TRIP4: variants seen among roughly 807,000 people sequenced by gnomAD.
TRIP4 encodes the protein thyroid hormone receptor interactor 4.
Under a neutral mutation model 81.8 loss-of-function variants are expected in TRIP4, and 54 were observed. The observed-to-expected ratio is 0.66, with a 90% confidence interval of 0.53 to 0.83. The LOEUF (loss-of-function observed/expected upper bound fraction) is 0.83, where lower values mean the gene tolerates loss of function less well. Among genes scored for constraint, TRIP4 ranks in the 40% least tolerant of loss-of-function variants. The pLI, the probability that TRIP4 is intolerant of heterozygous loss-of-function variation, is 0.00. For missense variants in TRIP4, 662 were observed against 683.6 expected (o/e 0.97, Z 0.35); for synonymous variants, 270 against 242.8 (o/e 1.11, Z -1.04).
intron 9 of TRIP4, among the ~76,000 whole-genome samples, chr15:64,420,990 A>AC (rs2140298830): frequency 6.6e-6 from 1 of 152,130 alleles, no homozygotes; most frequent in African/African-American, 2.4e-5. Context: ...CAGCAATGGA[A>AC]CACATGTACA....
rs1353949686 is a variant in TRIP4 at position 64,437,143 on chromosome 15, G to A, written c.1576-7863G>A. On this transcript the variant is annotated intron_variant, in intron 11 of 12. Transcript: ENST00000261884. ...GGTAGATATATGAAAAATCTTGGCCGGGTGTGGTGGCTCACACCTGTAATC... is the reference window on the plus strand; with the variant it reads ...GGTAGATATATGAAAAATCTTGGCCAGGTGTGGTGGCTCACACCTGTAATC... Among the ~76,000 whole-genome samples the A allele has an allele frequency of 3.3e-5, 5 of 151,858 alleles. No individual in the cohort carries two copies. In the East Asian group the frequency reaches 7.8e-4, roughly 24 times the overall value.
chr15:64,410,658 A>C (rs1891740974), intron 7 of TRIP4, among the ~76,000 whole-genome samples: 1 of 152,202 alleles, frequency 6.6e-6, no homozygotes, highest in Admixed American at 6.5e-5. Flanking sequence ...TTATAGGAGA[A>C]TATAATTATA....
intron 11 of TRIP4, among the ~76,000 whole-genome samples, chr15:64,444,205 G>C (rs1195735913): frequency 1.3e-5 from 2 of 152,172 alleles, no homozygotes; most frequent in Non-Finnish European, 2.9e-5. Flanking sequence ...AGAAGCCTAT[G>C]AGTCATATTT....
chr15:64,454,950 T>C (rs760538476), intron 12 of TRIP4, 47 bp from the exon 13 acceptor site: 3 of 1,571,056 alleles, frequency 1.9e-6, no homozygotes, highest in Non-Finnish European at 2.6e-6. Flanking sequence ...AAGATTTGCA[T>C]TGCAAATACA....
Position 64,455,208 on chromosome 15 carries a change from C to A in TRIP4, c.*144C>A. On this transcript the variant is annotated 3_prime_UTR_variant, in exon 13 of 13. Coordinates refer to ENST00000261884, the MANE Select transcript of TRIP4 (RefSeq NM_016213.5). ...TCAGAACTTAAACTCTTACCAAAAT[C>A]TGTATATTTTTCTTAAGGAGTGGGA... 1 of 600,236 alleles carries A rather than the reference C, an allele frequency of 1.7e-6. No homozygotes were observed. Among genetic ancestry groups the A allele is most frequent in the Non-Finnish European group, 2.7e-6 (1 of 364,254 alleles). The allele number at this position is 600,236 out of a possible 1,614,324, so 37.2% of individuals were successfully genotyped here. A position where few individuals can be genotyped will look rare whatever the true frequency, so the allele number is the denominator to read the frequency against.
rs372733786 is a variant in TRIP4, at chr15:64,418,597, T to C, written c.1227T>C (p.Phe409=). 5.0e-6 allele frequency: 8 copies of C among 1,613,518 alleles called. No homozygotes were observed. Among genetic ancestry groups the C allele is most frequent in the Non-Finnish European group, 6.8e-6 (8 of 1,180,014 alleles). Residue 409 remains phenylalanine, a synonymous_variant, in exon 9 of 13, where the codon TTT becomes TTC. Coordinates refer to ENST00000261884, the MANE Select transcript of TRIP4 (RefSeq NM_016213.5). ...AGAAGGCTTTCCGTTCTTCAGGATT[T>C]GGACTAGAGTTCAACTCATTTCAGC... ...SQKKAFRSSG[F]GLEFNSFQHQ...
chr15:64,399,217 G>C (rs370219361), intron 4 of TRIP4, among the ~76,000 whole-genome samples: 1 of 151,894 alleles, frequency 6.6e-6, no homozygotes, highest in African/African-American at 2.4e-5. Flanking sequence ...CTCCCAAAGT[G>C]CTGGGATTAC....
intron 8 of TRIP4, 132 bp downstream of exon 8, chr15:64,414,343 A>C (rs1891840383): frequency 4.9e-5 from 59 of 1,201,150 alleles, no homozygotes; most frequent in Non-Finnish European, 6.2e-5. Flanking sequence ...CAGCTCTCTC[A>C]ACACACCTGC....
At chr15:64,445,204 G>T in intron 12 of TRIP4, 96 bp downstream of exon 12, 1 of 616,428 alleles carries the variant, frequency 1.6e-6, no homozygotes, top group South Asian at 2.2e-5. Flanking sequence ...AACTGACTGT[G>T]AACAATCAGT....
rs1248997841 is a variant in TRIP4 at position 64,397,952 on chromosome 15, G to C, written c.618+134G>C. The C allele has an allele frequency of 2.4e-5, 23 of 961,584 alleles. No homozygotes were observed. In the Admixed American group the frequency reaches 6.3e-4, roughly 26 times the overall value. 59.6% of individuals were successfully genotyped at this position (961,584 alleles called of 1,614,324 possible). The stretch of plus-strand genomic sequence containing the variant: ...GTCTCACTTTGTCGCCCAGGCTGGA[G>C]TGCAGTGGCACGATCTCGGCTCGCT... On this transcript the variant is annotated intron_variant, in intron 4 of 12. Coordinates refer to ENST00000261884, the MANE Select transcript of TRIP4 (RefSeq NM_016213.5).
At chr15:64,442,453 C>T (rs556310909) in intron 11 of TRIP4, among the ~76,000 whole-genome samples, 2 of 151,712 alleles carry the variant, frequency 1.3e-5, no homozygotes, top group Non-Finnish European at 2.9e-5. Flanking sequence ...ATTTTTTTAA[C>T]GTTTTATTTT....
In TRIP4 at chr15:64,425,542, G is replaced by A; in HGVS notation, c.1486G>A (p.Val496Met). 1 of 1,607,762 alleles carries A rather than the reference G, an allele frequency of 6.2e-7. No homozygotes were observed. Among genetic ancestry groups the A allele is most frequent in the Non-Finnish European group, 8.5e-7 (1 of 1,178,140 alleles). The part of the protein sequence containing the change: ...ATYRLLRGKD[V>M]EFPNDYPSGC... ...TATTTTTGTTATTCCTGATTCAGAT[G>A]TGGAATTTCCTAATGACTATCCGTC... The change falls in exon 11 of 13, where the codon GTG becomes ATG. Residue 496 changes from valine (V) to methionine (M), a missense_variant and splice_region_variant. Val to Met is a conservative substitution (Grantham distance 21). Coordinates refer to ENST00000261884, the MANE Select transcript of TRIP4 (RefSeq NM_016213.5).
intron 1 of TRIP4, among the ~76,000 whole-genome samples, chr15:64,390,143 T>C (rs1375389375): frequency 6.7e-6 from 1 of 148,276 alleles, no homozygotes; most frequent in Non-Finnish European, 1.5e-5. Context: ...ATATGTGTAT[T>C]ATATTAAATA....
chr15:64,387,893 G>A lies in TRIP4; in HGVS notation c.30G>A (p.Glu10=), dbSNP rs1319124335. MAVAGAVSG[E]PLVHWCTQQL... ...CGGTGGCTGGGGCGGTGTCCGGGGA[G>A]CCGCTGGTGCACTGGTGCACCCAGC... The change falls in exon 1 of 13, where the codon GAG becomes GAA. Residue 10 remains glutamate, a synonymous_variant. Coordinates refer to ENST00000261884, the MANE Select transcript of TRIP4 (RefSeq NM_016213.5). 1 of 1,549,396 alleles carries A rather than the reference G, an allele frequency of 6.5e-7. No individual in the cohort carries two copies. The highest frequency in any genetic ancestry group is 1.4e-5 in the African/African-American group (1 of 73,154).
At chr15:64,395,097 C>T (rs1045538548) in intron 2 of TRIP4, among the ~76,000 whole-genome samples, 21 of 141,484 alleles carry the variant, frequency 1.5e-4, no homozygotes, top group Non-Finnish European at 2.7e-4. Context: ...CCACCTGTCT[C>T]GGCCTCTCAA....
At chr15:64,453,234 A>G (rs1892811802) in intron 12 of TRIP4, among the ~76,000 whole-genome samples, 1 of 152,204 alleles carries the variant, frequency 6.6e-6, no homozygotes, top group Non-Finnish European at 1.5e-5. Context: ...CTGGAGTCCT[A>G]GATGGAATTC....
At chr15:64,429,239 C>A (rs994310770) in intron 11 of TRIP4, among the ~76,000 whole-genome samples, 1 of 151,990 alleles carries the variant, frequency 6.6e-6, no homozygotes, top group Admixed American at 6.6e-5. Flanking sequence ...ATTGCTTGAA[C>A]CTGGGAGGCA....
chr15:64,391,754 G>A (rs994319139), intron 1 of TRIP4, among the ~76,000 whole-genome samples: 1 of 151,646 alleles, frequency 6.6e-6, no homozygotes, highest in Non-Finnish European at 1.5e-5. Context: ...TTGATCACTT[G>A]AGGTCAGGAG....
intron 7 of TRIP4, among the ~76,000 whole-genome samples, chr15:64,411,180 A>G (rs1891754418): frequency 1.3e-5 from 2 of 152,218 alleles, no homozygotes; most frequent in Admixed American, 6.5e-5. Context: ...GAAGGAGCAC[A>G]GAGAAGATTT....
Sources: gnomAD v4.1 joint callset for allele counts (sites outside exome capture counted in the v4.1 genomes callset) on GRCh38, gnomAD v4.1.1 for gene constraint, MANE v1.5 for transcripts, NCBI Gene and HGNC (gene_info 2026-07-23, HGNC 2026-07-21) for gene names.